The following QTRT2 variants were observed in gnomAD, a reference collection of about 807,000 sequenced individuals.
QTRT2 encodes the protein queuine tRNA-ribosyltransferase accessory subunit 2.
A neutral mutation model predicts 44.8 loss-of-function variants in QTRT2; 32 were observed. The observed-to-expected ratio is 0.71, with a 90% CI of 0.54 to 0.96. QTRT2 has a LOEUF of 0.96. QTRT2 is among the 40% of genes least tolerant of loss of function. The pLI, the probability that QTRT2 is intolerant of heterozygous loss-of-function variation, is 0.00. For missense variants in QTRT2, 461 were observed against 503.1 expected, an observed-to-expected ratio of 0.92 and a Z score of 0.80; for synonymous variants, 182 against 187.4, an observed-to-expected ratio of 0.97 and a Z score of 0.24.
chr3:114,069,472 A>G (rs966801816), intron 5 of QTRT2, among the ~76,000 whole-genome samples: 5 of 151,968 alleles, frequency 3.3e-5, no homozygotes, highest in African/African-American at 1.2e-4. Context: ...TTTAGCCCCC[A>G]CTTATAAGTG....
intron 9 of QTRT2, among the ~76,000 whole-genome samples, chr3:114,084,582 G>C (rs1324763423): frequency 1.3e-5 from 2 of 152,138 alleles, no homozygotes; most frequent in Non-Finnish European, 2.9e-5. Context: ...ACAAGACCCT[G>C]TTCCCCCCTC....
At chr3:114,070,217 A>G (rs1251556527) in intron 5 of QTRT2, among the ~76,000 whole-genome samples, 3 of 152,202 alleles carry the variant, frequency 2.0e-5, no homozygotes, top group African/African-American at 4.8e-5. Context: ...CACTTGCCCT[A>G]TATGTAAGAT....
intron 5 of QTRT2, among the ~76,000 whole-genome samples, chr3:114,070,019 T>C (rs936255723): frequency 3.3e-5 from 5 of 152,114 alleles, no homozygotes; most frequent in Non-Finnish European, 7.4e-5. Context: ...TAAATACAAA[T>C]TGATGTAAGA....
At position 114,058,653 on chromosome 3, in the gene QTRT2, C is replaced by T. The variant is rs144074136; in HGVS notation, c.-22+1547C>T. Reference sequence around the variant, plus strand: ...GTTCAAGTGATTCTCCTGTCTCAGCCTCCGGAGTAGCTGGTATTACAGGCA... The same window carrying T: ...GTTCAAGTGATTCTCCTGTCTCAGCTTCCGGAGTAGCTGGTATTACAGGCA... On this transcript the variant is annotated intron_variant, in intron 2 of 9. Coordinates refer to ENST00000281273, the MANE Select transcript of QTRT2 (RefSeq NM_024638.4). Among the ~76,000 whole-genome samples, 145 of 152,294 alleles carry T rather than the reference C, an allele frequency of 9.5e-4. 4 individuals carry two copies. In the East Asian group the frequency reaches 0.016, roughly 17 times the overall value.
intron 8 of QTRT2, among the ~76,000 whole-genome samples, chr3:114,081,761 C>T (rs1290385999): frequency 1.3e-5 from 2 of 152,134 alleles, no homozygotes; most frequent in South Asian, 2.1e-4. Context: ...TGGTTTCCCA[C>T]ATCAGCATGC....
At chr3:114,075,613 A>G (rs180883767) in intron 6 of QTRT2, among the ~76,000 whole-genome samples, 2 of 149,498 alleles carry the variant, frequency 1.3e-5, no homozygotes, top group Middle Eastern at 3.5e-3. Flanking sequence ...GGCTCAAGCG[A>G]TTCTCCCACC....
Position 114,086,195 on chromosome 3 carries a change from G to A in QTRT2, c.*291G>A, listed in dbSNP as rs2077235064. 1.4e-5 allele frequency: 5 copies of A among 362,500 alleles called. No individual in the cohort carries two copies. Among genetic ancestry groups the A allele is most frequent in the South Asian group, 9.7e-5 (4 of 41,100 alleles). 22.5% of individuals were successfully genotyped at this position (362,500 alleles called of 1,614,324 possible). On this transcript the variant is annotated 3_prime_UTR_variant, in exon 10 of 10. Transcript: ENST00000281273. Reference sequence around the variant, plus strand: ...TTAGTCAAAGACAAAAGCTTTAACTGTGAGGGCACAGCCTTGAAGTGGGAG... The same window carrying A: ...TTAGTCAAAGACAAAAGCTTTAACTATGAGGGCACAGCCTTGAAGTGGGAG...
chr3:114,062,427 A>G (rs2076900960), intron 2 of QTRT2, among the ~76,000 whole-genome samples: 1 of 151,538 alleles, frequency 6.6e-6, no homozygotes, highest in Admixed American at 6.6e-5. Flanking sequence ...CAGGAGGCCC[A>G]GGTTCTAGAC....
rs1330266965 is a variant in QTRT2, at chr3:114,086,951, GAC to G, written c.*1049_*1050del. 6.6e-6 allele frequency: 1 copy of G among 152,380 alleles called. No homozygotes were observed. The highest frequency in any genetic ancestry group is 6.5e-5 in the Admixed American group (1 of 15,306). The allele number at this position is 152,380 out of a possible 1,614,324, so 9.4% of individuals were successfully genotyped here. A position where few individuals can be genotyped will look rare whatever the true frequency, so the allele number is the denominator to read the frequency against. ...AATAGCCCTAGTTGTCATCCTGGGA[GAC>G]AGGCAACAGTAGAGATATTTGAGAG... is the stretch of plus-strand genomic sequence containing the variant. On this transcript the variant is annotated 3_prime_UTR_variant, in exon 10 of 10. Transcript: ENST00000281273.
chr3:114,057,376 T>C (rs2076812920), intron 2 of QTRT2: 1 of 152,976 alleles, frequency 6.5e-6, no homozygotes, highest in Non-Finnish European at 1.5e-5. Flanking sequence ...ACTTGTTTAA[T>C]AACTCAGAGA....
intron 6 of QTRT2, among the ~76,000 whole-genome samples, chr3:114,074,109 G>A (rs150422414): frequency 6.6e-6 from 1 of 152,344 alleles, no homozygotes; most frequent in Admixed American, 6.5e-5. Context: ...GGAATCAGGA[G>A]TAGAGAGTGG....
rs547702012 is a variant in QTRT2, at chr3:114,085,575, A to G, written c.1017-98A>G. ...GCACTGAACATTTGCCAGTGATGTTATTAACCACTGGTAACTTTACCAGCA... is the reference window on the plus strand; with the variant it reads ...GCACTGAACATTTGCCAGTGATGTTGTTAACCACTGGTAACTTTACCAGCA... On this transcript the variant is annotated intron_variant, in intron 9 of 9. Transcript: ENST00000281273. 207 of 984,478 alleles carry G rather than the reference A, an allele frequency of 2.1e-4. No homozygotes were observed. In the African/African-American group the frequency reaches 3.0e-3, roughly 14 times the overall value. The allele number at this position is 984,478 out of a possible 1,614,324, so 61.0% of individuals were successfully genotyped here. A position where few individuals can be genotyped will look rare whatever the true frequency, so the allele number is the denominator to read the frequency against.
Position 114,082,736 on chromosome 3 carries a change from G to A in QTRT2, c.958G>A (p.Glu320Lys). 1 of 1,534,826 alleles carries A rather than the reference G, an allele frequency of 6.5e-7. No homozygotes were observed. Among genetic ancestry groups the A allele is most frequent in the Non-Finnish European group, 8.9e-7 (1 of 1,123,034 alleles). The change falls in exon 9 of 10, where the codon GAA becomes AAA. Residue 320 changes from glutamate to lysine, a missense_variant. Coordinates refer to ENST00000281273, the MANE Select transcript of QTRT2 (RefSeq NM_024638.4). ...ATGTATGGATCAAATAAAGAAAATT[G>A]AAACAACTGGTTGCAACCAAGAAAT... ...IKCMDQIKKI[E>K]TTGCNQEITS...
chr3:114,063,799 C>T (rs2076917802), intron 2 of QTRT2, among the ~76,000 whole-genome samples: 1 of 151,370 alleles, frequency 6.6e-6, no homozygotes, highest in African/African-American at 2.4e-5. Context: ...ATTTATGTCT[C>T]CTAAAAAAAA....
chr3:114,075,435 A>G (rs2077076393), intron 6 of QTRT2, among the ~76,000 whole-genome samples: 1 of 151,492 alleles, frequency 6.6e-6, no homozygotes, highest in South Asian at 2.1e-4. Flanking sequence ...AGATATTTAA[A>G]TATTCCTCCA....
chr3:114,086,627 G>A lies in QTRT2; in HGVS notation c.*723G>A, dbSNP rs2077240316. 1 of 152,800 alleles carries A rather than the reference G, an allele frequency of 6.5e-6. No homozygotes were observed. The highest frequency in any genetic ancestry group is 1.5e-5 in the Non-Finnish European group (1 of 68,484). The allele number at this position is 152,800 out of a possible 1,614,324, so 9.5% of individuals were successfully genotyped here. A position where few individuals can be genotyped will look rare whatever the true frequency, so the allele number is the denominator to read the frequency against. ...TTTCTTCTGGTTGTACAGATCCATT[G>A]TGGTCTGCCTTCCAGGCTCATTAAT... On this transcript the variant is annotated 3_prime_UTR_variant, in exon 10 of 10. Transcript: ENST00000281273.
In QTRT2 at chr3:114,070,732, G is replaced by A. The variant is rs766956548; in HGVS notation, c.440G>A (p.Gly147Glu). The A allele has an allele frequency of 6.2e-7, 1 of 1,614,052 alleles. No homozygotes were observed. Among genetic ancestry groups the A allele is most frequent in the Admixed American group, 1.7e-5 (1 of 60,004 alleles). ...QPDWFQCLSD[G>E]EVSCKEATSI... is the part of the protein sequence containing the mutation. ...GACTGGTTCCAGTGCCTCTCCGATG[G>A]AGAAGTATCTTGTAAGGAAGCAACT... The change falls in exon 6 of 10, where the codon GGA becomes GAA. Residue 147 changes from glycine to glutamate, a missense_variant. Physicochemically the swap from Gly to Glu is moderately conservative, Grantham distance 98. Coordinates refer to ENST00000281273, the MANE Select transcript of QTRT2 (RefSeq NM_024638.4).
intron 2 of QTRT2, among the ~76,000 whole-genome samples, chr3:114,062,719 T>A (rs2076904309): frequency 1.3e-5 from 2 of 152,198 alleles, no homozygotes; most frequent in African/African-American, 4.8e-5. Flanking sequence ...TTGTCAGTCA[T>A]TTGTGTCATT....
chr3:114,077,898 A>T (rs2077113466), intron 7 of QTRT2: 1 of 151,822 alleles, frequency 6.6e-6, no homozygotes, highest in Admixed American at 6.6e-5. Context: ...TTTTTAGTGG[A>T]GACGGGGTTT....
Sources: allele counts gnomAD v4.1 joint callset (sites outside exome capture counted in the v4.1 genomes callset), GRCh38; gene constraint gnomAD v4.1.1; transcripts MANE v1.5; gene names NCBI Gene and HGNC (gene_info 2026-07-23, HGNC 2026-07-21).